The following BLM variants were observed in gnomAD, a reference collection of about 807,000 sequenced individuals.
BLM encodes the protein BLM RecQ like helicase, also known as recQ-like DNA helicase BLM.
In BLM, 95 loss-of-function variants were observed where a neutral mutation model predicts 135.3. That is an observed-to-expected ratio of 0.70 (90% CI 0.59 to 0.83). The LOEUF (loss-of-function observed/expected upper bound fraction) is 0.83. Among genes scored for constraint, BLM ranks in the 40% least tolerant of loss-of-function variants. BLM has a pLI of 0.00. For synonymous variants in BLM, 520 were observed against 589.2 expected (o/e 0.88, Z 1.70); for missense variants, 1,518 against 1,663.9 (o/e 0.91, Z 1.53).
In BLM at chr15:90,782,862, G is replaced by T. The variant is rs1316728192; in HGVS notation, c.2596G>T (p.Val866Leu). 1 of 1,613,788 alleles carries T rather than the reference G, an allele frequency of 6.2e-7. No homozygotes were observed. Among genetic ancestry groups the T allele is most frequent in the Non-Finnish European group, 8.5e-7 (1 of 1,179,760 alleles). ...SFNRHNLKYY[V>L]LPKKPKKVAF... The stretch of plus-strand genomic sequence containing the variant: ...TAACAGACATAATCTGAAATACTAT[G>T]TATTACCGAAAAAGCCTAAAAAGGT... The change falls in exon 13 of 22, where the codon GTA becomes TTA. Residue 866 changes from valine to leucine, a missense_variant. By Grantham distance (32) the Val-to-Leu change is conservative. Transcript: ENST00000355112.
intron 1 of BLM, among the ~76,000 whole-genome samples, chr15:90,744,269 T>A (rs1328824271): frequency 6.6e-6 from 1 of 152,198 alleles, no homozygotes; most frequent in Non-Finnish European, 1.5e-5. Flanking sequence ...TAGTCTGACT[T>A]CACTCTTTAT....
intron 9 of BLM, among the ~76,000 whole-genome samples, chr15:90,765,691 A>G (rs1896105902): frequency 6.6e-6 from 1 of 152,228 alleles, no homozygotes; most frequent in Admixed American, 6.5e-5. Flanking sequence ...TTTTTTCAGT[A>G]CTGCCAGGTC....
rs750620938 is a variant in BLM at position 90,785,096 on chromosome 15, G to C, written c.2823+15G>C. On this transcript the variant is annotated intron_variant, in intron 14 of 21. Coordinates refer to ENST00000355112, the MANE Select transcript of BLM (RefSeq NM_000057.4). ...ATGGCTGTCAGGTAACATTTTTAAA[G>C]ATAAACAAATAATAGAAATAATCTT... 1 of 1,611,554 alleles carries C rather than the reference G, an allele frequency of 6.2e-7. No homozygotes were observed. The highest frequency in any genetic ancestry group is 1.3e-5 in the African/African-American group (1 of 74,886).
At chr15:90,765,148 T>C in intron 8 of BLM, 148 bp from the exon 9 acceptor site, 2 of 715,548 alleles carry the variant, frequency 2.8e-6, no homozygotes. Flanking sequence ...CTAAATATAA[T>C]AGTTTGAGTC....
intron 12 of BLM, among the ~76,000 whole-genome samples, chr15:90,780,990 A>G (rs1373329714): frequency 6.6e-6 from 1 of 152,222 alleles, no homozygotes; most frequent in Non-Finnish European, 1.5e-5. Flanking sequence ...CCCATGGGAA[A>G]CCAAGGGATG....
At position 90,760,588 on chromosome 15, in the gene BLM, C is replaced by G. The variant is rs1555419778; in HGVS notation, c.1221-6C>G. The G allele has an allele frequency of 3.1e-6, 5 of 1,607,712 alleles. No individual in the cohort carries two copies. Among genetic ancestry groups the G allele is most frequent in the Non-Finnish European group, 4.2e-6 (5 of 1,176,596 alleles). ...TTTAATACGTTGTTCTCTTTTCTCT[C>G]TTCAGAAGGAAACTTCTAACGGAAG... On this transcript the variant is annotated splice_region_variant and splice_polypyrimidine_tract_variant and intron_variant, in intron 6 of 21. Coordinates refer to ENST00000355112, the MANE Select transcript of BLM (RefSeq NM_000057.4).
intron 1 of BLM, among the ~76,000 whole-genome samples, chr15:90,728,932 C>T (rs146288864): frequency 1.4e-3 from 215 of 152,056 alleles, no homozygotes; most frequent in Middle Eastern, 0.01. Context: ...GTAATCTCAG[C>T]AGTTTGGGAG....
At chr15:90,811,993 T>C (rs920324587) in intron 21 of BLM, among the ~76,000 whole-genome samples, 1 of 152,184 alleles carries the variant, frequency 6.6e-6, no homozygotes, top group African/African-American at 2.4e-5. Context: ...ATGTCTTCCA[T>C]GTTGATCTTC....
intron 4 of BLM, among the ~76,000 whole-genome samples, chr15:90,754,063 T>G (rs997125492): frequency 6.6e-6 from 1 of 152,222 alleles, no homozygotes; most frequent in Non-Finnish European, 1.5e-5. Flanking sequence ...CTTTTTAAAA[T>G]CTTTCTTTCA....
At chr15:90,731,427 A>G (rs1455052747) in intron 1 of BLM, among the ~76,000 whole-genome samples, 1 of 152,096 alleles carries the variant, frequency 6.6e-6, no homozygotes, top group Non-Finnish European at 1.5e-5. Context: ...TATATTTTGG[A>G]ATCGTTTATG....
rs565375774 is a variant in BLM at position 90,721,908 on chromosome 15, C to T, written c.-5+4468C>T. 6.6e-5 allele frequency among the ~76,000 whole-genome samples: 10 copies of T among 150,610 alleles called. No individual in the cohort carries two copies. The East Asian group carries it at 8.0e-4, about 12-fold the overall frequency. ...ATCACACCACTCCACTCCAGCCTGG[C>T]GACAGAGCAAGACTGCATCTCAAAA... is the stretch of plus-strand genomic sequence containing the variant. On this transcript the variant is annotated intron_variant, in intron 1 of 21. Transcript: ENST00000355112.
At chr15:90,744,656 C>T (rs904156724) in intron 1 of BLM, among the ~76,000 whole-genome samples, 7 of 151,144 alleles carry the variant, frequency 4.6e-5, no homozygotes, top group African/African-American at 1.7e-4. Context: ...AGGCGTGAGC[C>T]ACCGTGCCCA....
intron 17 of BLM, 46 bp from the exon 18 acceptor site, chr15:90,803,475 G>T: frequency 1.3e-6 from 2 of 1,552,998 alleles, no homozygotes; most frequent in Non-Finnish European, 1.8e-6. Flanking sequence ...TGAGGGTGAT[G>T]ATATACGTAC....
At position 90,803,933 on chromosome 15, in the gene BLM, A is replaced by G. The variant is rs540701096; in HGVS notation, c.3558+213A>G. Among the ~76,000 whole-genome samples the G allele has an allele frequency of 7.9e-5, 12 of 152,348 alleles. No homozygotes were observed. In the South Asian group the frequency reaches 1.0e-3, roughly 13 times the overall value. ...GTCAAAAGTAATTTAATGGGTTATC[A>G]GGTCACTAAATCTTTATATATTCAT... On this transcript the variant is annotated intron_variant, in intron 18 of 21. Coordinates refer to ENST00000355112, the MANE Select transcript of BLM (RefSeq NM_000057.4).
rs2151158014 is a variant in BLM at position 90,760,702 on chromosome 15, C to T, written c.1329C>T (p.Ser443=). The T allele has an allele frequency of 6.2e-7, 1 of 1,614,090 alleles. No homozygotes were observed. Among genetic ancestry groups the T allele is most frequent in the African/African-American group, 1.3e-5 (1 of 75,042 alleles). The change falls in exon 7 of 22, where the codon TCC becomes TCT. Residue 443 remains serine (S), a synonymous_variant. Transcript: ENST00000355112. ...TTGATGGCCCTATGGAGGGTGATTC[C>T]TGCCCTACAGGGAATTCTATGAAGG... ...DSLDGPMEGD[S]CPTGNSMKEL...
At chr15:90,789,386 T>G (rs1387772131) in intron 14 of BLM, among the ~76,000 whole-genome samples, 1 of 152,234 alleles carries the variant, frequency 6.6e-6, no homozygotes, top group Non-Finnish European at 1.5e-5. Flanking sequence ...AGGCGGTGCC[T>G]CACAGCCCTG....
rs2151202505 is a variant in BLM, at chr15:90,815,295, G to A, written c.*16G>A. The A allele has an allele frequency of 6.2e-7, 1 of 1,610,710 alleles. No homozygotes were observed. Among genetic ancestry groups the A allele is most frequent in the Non-Finnish European group, 8.5e-7 (1 of 1,176,998 alleles). On this transcript the variant is annotated 3_prime_UTR_variant, in exon 22 of 22. Coordinates refer to ENST00000355112, the MANE Select transcript of BLM (RefSeq NM_000057.4). The surrounding 1 kb of genome is among the most constrained non-coding windows in gnomAD (Gnocchi z 4.6). ...ATTCTCATAACAACCGAATCTCAAT[G>A]TACATAGACCCTCTTTCTTGTTTGT...
chr15:90,772,818 T>C (rs1158146868), intron 12 of BLM, among the ~76,000 whole-genome samples: 1 of 151,786 alleles, frequency 6.6e-6, no homozygotes, highest in African/African-American at 2.4e-5. Flanking sequence ...AAAGCATAGG[T>C]TGGGCATGGT....
At chr15:90,742,810 GT>G (rs559787703) in intron 1 of BLM, among the ~76,000 whole-genome samples, 7 of 151,190 alleles carry the variant, frequency 4.6e-5, no homozygotes, top group Admixed American at 6.6e-5. Flanking sequence ...TAATTTTTGT[GT>G]TTTTTTGTAG....
Sources: gnomAD v4.1 joint callset for allele counts (sites outside exome capture counted in the v4.1 genomes callset) on GRCh38, gnomAD v4.1.1 for gene constraint, Gnocchi (gnomAD v3.1) non-coding constraint, MANE v1.5 for transcripts, NCBI Gene and HGNC (gene_info 2026-07-23, HGNC 2026-07-21) for gene names.